LRRC7: variants seen among roughly 807,000 people sequenced by gnomAD.
The protein encoded by LRRC7 is leucine rich repeat containing 7.
In LRRC7, 23 loss-of-function variants were observed where a neutral mutation model predicts 175.7. The observed-to-expected ratio is 0.13, with a 90% CI of 0.09 to 0.19. LRRC7 has a LOEUF of 0.19. Among genes scored for constraint, LRRC7 ranks in the 10% least tolerant of loss-of-function variants. The pLI is 1.00. For missense variants in LRRC7, 1,354 were observed against 1,904.7 expected (o/e 0.71, Z 5.38); for synonymous variants, 685 against 680.9 (o/e 1.01, Z -0.09).
At chr1:69,886,692 G>C (rs1256221908) in intron 7 of LRRC7, among the ~76,000 whole-genome samples, 1 of 148,442 alleles carries the variant, frequency 6.7e-6, no homozygotes, top group Non-Finnish European at 1.5e-5. Context: ...CTCATTAGTT[G>C]ATGCAGTTTC....
intron 11 of LRRC7, among the ~76,000 whole-genome samples, chr1:70,009,126 G>A (rs1027789773): frequency 1.3e-4 from 20 of 152,014 alleles, no homozygotes; most frequent in African/African-American, 4.3e-4. Context: ...AGAAAAAAGA[G>A]AGAAACCTTA....
At chr1:69,925,011 G>C (rs897252682) in intron 7 of LRRC7, among the ~76,000 whole-genome samples, 15 of 150,700 alleles carry the variant, frequency 1.0e-4, no homozygotes, top group African/African-American at 1.5e-4. Context: ...TAGCATGAAG[G>C]GTTGTTGAAT....
intron 3 of LRRC7, 22 bp from the exon 4 acceptor site, chr1:69,792,021 T>G (rs1235187553): frequency 7.1e-7 from 1 of 1,404,448 alleles, no homozygotes; most frequent in Non-Finnish European, 1.0e-6. Context: ...GAGATCTAAT[T>G]AATGATTATT....
Position 69,980,442 on chromosome 1 carries a change from G to A in LRRC7, c.775G>A (p.Val259Met). The stretch of plus-strand genomic sequence containing the variant: ...ATGGATGGATAATAATGCATTACAA[G>A]TGTTACCTGGGGTATGTAAGTTTTT... Reference protein sequence around the residue: ...ELWMDNNALQVLPGSIGKLKM... With the variant: ...ELWMDNNALQMLPGSIGKLKM... Residue 259 changes from valine to methionine, a missense_variant, in exon 9 of 27, where the codon GTG (valine) becomes ATG (methionine). By Grantham distance (21) the Val-to-Met change is conservative. This residue lies in a region of LRRC7 where 201 missense variants were observed against 481.4 expected (regional missense o/e 0.42). Transcript: ENST00000651989. 1 of 1,609,160 alleles carries A rather than the reference G, an allele frequency of 6.2e-7. No homozygotes were observed. Among genetic ancestry groups the A allele is most frequent in the Non-Finnish European group, 8.5e-7 (1 of 1,176,530 alleles).
intron 25 of LRRC7, among the ~76,000 whole-genome samples, chr1:70,106,876 C>T (rs1665182388): frequency 6.6e-6 from 1 of 152,198 alleles, no homozygotes; most frequent in Admixed American, 6.5e-5. Flanking sequence ...ATCTTCTCCT[C>T]TTGGAAGAAC....
intron 3 of LRRC7, among the ~76,000 whole-genome samples, chr1:69,774,295 T>C (rs536405431): frequency 6.6e-6 from 1 of 152,306 alleles, no homozygotes; most frequent in East Asian, 1.9e-4. Context: ...GTGCTTTACA[T>C]TTAGAAATAT....
At position 69,665,562 on chromosome 1, in the gene LRRC7, G is replaced by T. The variant is rs183989170; in HGVS notation, c.3-12819G>T. ...CTTCTTGAGTTAATTTAATTTCTAGGTATTTTATTTTATTTGTAGCCATTG... is the reference window on the plus strand; with the variant it reads ...CTTCTTGAGTTAATTTAATTTCTAGTTATTTTATTTTATTTGTAGCCATTG... On this transcript the variant is annotated intron_variant, in intron 1 of 26. Transcript: ENST00000651989. Among the ~76,000 whole-genome samples, 58 of 152,004 alleles carry T rather than the reference G, an allele frequency of 3.8e-4. 1 individual carries two copies. The East Asian group carries it at 0.011, about 29-fold the overall frequency.
At chr1:69,963,301 G>A (rs12032550) in intron 8 of LRRC7, among the ~76,000 whole-genome samples, 6,765 of 138,918 alleles carry the variant, frequency 0.049, 165 homozygotes, top group South Asian at 0.1. Flanking sequence ...GCAAGACACC[G>A]TCTCAAAAAA....
chr1:69,834,559 G>A lies in LRRC7; in HGVS notation c.501-221G>A, dbSNP rs530463570. On this transcript the variant is annotated intron_variant, in intron 5 of 26. Coordinates refer to ENST00000651989, the MANE Select transcript of LRRC7 (RefSeq NM_001370785.2). ...TAGCAGTGACATAAATCTTAGTATA[G>A]GAGAGTAGCATGGAAGTGGATAAAT... 3.1e-4 allele frequency among the ~76,000 whole-genome samples: 47 copies of A among 152,220 alleles called. No individual in the cohort carries two copies. The South Asian group carries it at 7.9e-3, about 26-fold the overall frequency.
chr1:70,079,335 G>T (rs1663043771), intron 24 of LRRC7, among the ~76,000 whole-genome samples: 1 of 152,132 alleles, frequency 6.6e-6, no homozygotes, highest in Admixed American at 6.5e-5. Context: ...TGCTATAAAA[G>T]AGCCATAAAG....
chr1:69,649,306 G>A (rs1258619576), intron 1 of LRRC7, among the ~76,000 whole-genome samples: 1 of 152,156 alleles, frequency 6.6e-6, no homozygotes, highest in Non-Finnish European at 1.5e-5. Flanking sequence ...TTCTCAAATT[G>A]TTAGTTCTTG....
intron 1 of LRRC7, among the ~76,000 whole-genome samples, chr1:69,601,458 A>AAT: frequency 6.6e-6 from 1 of 152,128 alleles, no homozygotes; most frequent in East Asian, 1.9e-4. Context: ...TTTAAATCCA[A>AAT]ATATATATGT....
At chr1:69,996,261 T>C (rs1317401719) in intron 11 of LRRC7, among the ~76,000 whole-genome samples, 5 of 152,186 alleles carry the variant, frequency 3.3e-5, no homozygotes, top group Admixed American at 3.3e-4. Context: ...TTTGTTTTTT[T>C]CTAGTAAATT....
intron 1 of LRRC7, among the ~76,000 whole-genome samples, chr1:69,578,220 T>A (rs1428598417): frequency 6.6e-6 from 1 of 150,716 alleles, no homozygotes; most frequent in Admixed American, 6.6e-5. Context: ...ATCAGAGAAA[T>A]GCAAATCAAA....
intron 4 of LRRC7, among the ~76,000 whole-genome samples, chr1:69,823,512 G>C (rs1207795431): frequency 1.3e-5 from 2 of 151,596 alleles, no homozygotes; most frequent in African/African-American, 2.4e-5. Flanking sequence ...GGTCTTCAAA[G>C]AACAGCAGCT....
At chr1:69,636,414 T>C (rs1411923975) in intron 1 of LRRC7, among the ~76,000 whole-genome samples, 3 of 93,946 alleles carry the variant, frequency 3.2e-5, no homozygotes, top group African/African-American at 1.2e-4. Flanking sequence ...GGATTTTACA[T>C]CCAGGCACAG....
chr1:70,077,623 G>T (rs17131182), intron 24 of LRRC7, among the ~76,000 whole-genome samples: 23,385 of 151,936 alleles, frequency 0.15, 2,873 homozygotes, highest in African/African-American at 0.33. Flanking sequence ...TAATGCTATC[G>T]GTTTTCGCCT....
intron 1 of LRRC7, among the ~76,000 whole-genome samples, chr1:69,606,333 A>G (rs1286744132): frequency 6.6e-6 from 1 of 152,094 alleles, no homozygotes; most frequent in Admixed American, 6.6e-5. Context: ...GAAATATAAC[A>G]ATGGTATAAG....
rs141591800 is a variant in LRRC7 at position 70,071,210 on chromosome 1, G to A, written c.4231-4867G>A. Among the ~76,000 whole-genome samples the A allele has an allele frequency of 1.6e-3, 241 of 152,160 alleles. 2 individuals carry two copies. Among genetic ancestry groups the A allele is most frequent in the Admixed American group, 0.011 (172 of 15,276 alleles). On this transcript the variant is annotated intron_variant, in intron 23 of 26. Coordinates refer to ENST00000651989, the MANE Select transcript of LRRC7 (RefSeq NM_001370785.2). Reference sequence around the variant, plus strand: ...GTTGAAGCATTGTTTATACCTATTGGCATTTTCAGATTGTCTGCTTCTTCA... The same window carrying A: ...GTTGAAGCATTGTTTATACCTATTGACATTTTCAGATTGTCTGCTTCTTCA...
Sources: allele counts gnomAD v4.1 joint callset (sites outside exome capture counted in the v4.1 genomes callset), GRCh38; gene constraint gnomAD v4.1.1; regional missense constraint gnomAD v4.1.1; transcripts MANE v1.5; gene names NCBI Gene and HGNC (gene_info 2026-07-23, HGNC 2026-07-21).